The following BRD2 variants were observed in gnomAD, a reference collection of about 807,000 sequenced individuals.
The protein encoded by BRD2 is bromodomain-containing protein 2.
In BRD2, 15 loss-of-function variants were observed where a neutral mutation model predicts 79.1. That is an observed-to-expected ratio of 0.19 (90% CI 0.13 to 0.29). BRD2 has a LOEUF of 0.29. Ranked by LOEUF, BRD2 falls within the 10% of genes least tolerant of loss-of-function variation. BRD2 has a pLI of 1.00. For missense variants in BRD2, 1,053 were observed against 991.3 expected (o/e 1.06, Z -0.84); for synonymous variants, 488 against 358.6 (o/e 1.36, Z -4.08).
chr6:32,980,160 G>A, intron 11 of BRD2, 28 bp downstream of exon 11: 5 of 1,600,064 alleles, frequency 3.1e-6, no homozygotes, highest in Non-Finnish European at 4.3e-6. Flanking sequence ...TTCATCTCAT[G>A]GTTCTGAGGA....
chr6:32,969,650 C>G (rs1777770324), intron 1 of BRD2, among the ~76,000 whole-genome samples: 1 of 152,318 alleles, frequency 6.6e-6, no homozygotes, highest in East Asian at 1.9e-4. Flanking sequence ...CCTGTGGGGC[C>G]TTTTGCCCCT....
chr6:32,971,364 T>G (rs1429899686), intron 1 of BRD2, among the ~76,000 whole-genome samples: 1 of 152,104 alleles, frequency 6.6e-6, no homozygotes, highest in Admixed American at 6.5e-5. Context: ...GGGAGACGTA[T>G]TTTAGCTTTT....
rs368290193 is a variant in BRD2, at chr6:32,977,855, G to A, written c.1428G>A (p.Ser476=). 6.0e-5 allele frequency: 97 copies of A among 1,612,956 alleles called. 2 individuals are homozygous for A. The South Asian group carries it at 6.1e-4, about 10-fold the overall frequency. Residue 476 remains serine (S), a synonymous_variant, in exon 9 of 13, where the codon TCG becomes TCA. Transcript: ENST00000374825. ...STAMPPGLAK[S]SSESSSEESS... is the part of the protein sequence containing the mutation. ...CCATGCCCCCTGGCTTGGCCAAATCGTCTTCAGAGTCCTCCAGTGAGGAAA... is the reference window on the plus strand; with the variant it reads ...CCATGCCCCCTGGCTTGGCCAAATCATCTTCAGAGTCCTCCAGTGAGGAAA...
intron 7 of BRD2, 111 bp from the exon 8 acceptor site, chr6:32,977,331 G>A: frequency 6.2e-7 from 1 of 1,606,326 alleles, no homozygotes; most frequent in Non-Finnish European, 8.5e-7. Context: ...AGATCCTTAA[G>A]GTCATCCCCA....
chr6:32,969,285 G>A (rs1255821657), intron 1 of BRD2: 14 of 709,918 alleles, frequency 2.0e-5, no homozygotes, highest in Middle Eastern at 4.8e-4. Context: ...GGAGGGCAAA[G>A]GGGTTAGGGG....
chr6:32,975,393 A>G lies in BRD2; in HGVS notation c.343A>G (p.Lys115Glu), dbSNP rs1778605462. The G allele has an allele frequency of 1.9e-6, 3 of 1,605,862 alleles. No individual in the cohort carries two copies. Among genetic ancestry groups the G allele is most frequent in the Non-Finnish European group, 2.6e-6 (3 of 1,175,126 alleles). The change falls in exon 4 of 13, where the codon AAA becomes GAA. Residue 115 changes from lysine to glutamate, a missense_variant. Lys to Glu is a moderately conservative substitution (Grantham distance 56). Transcript: ENST00000374825. Reference protein sequence around the residue: ...AVKLGLPDYHKIIKQPMDMGT... With the variant: ...AVKLGLPDYHEIIKQPMDMGT... ...ACATTTTTTTATTTAGGATTATCAC[A>G]AAATTATAAAACAGCCTATGGACAT... is the stretch of plus-strand genomic sequence containing the variant.
Position 32,980,448 on chromosome 6 carries a change from A to G in BRD2, c.2253A>G (p.Lys751=), listed in dbSNP as rs140096077. The change falls in exon 12 of 13, where the codon AAA becomes AAG. Residue 751 remains lysine (K), a synonymous_variant. Transcript: ENST00000374825. The part of the protein sequence containing the change: ...QDVSGQLNST[K]KPPKKANEKT... ...TCAGCGGACAGCTCAATTCTACTAA[A>G]AAGCCCCCCAAGAAAGGTGAGTATA... 33 of 1,612,936 alleles carry G rather than the reference A, an allele frequency of 2.0e-5. 1 individual carries two copies. The highest frequency in any genetic ancestry group is 2.7e-5 in the African/African-American group (2 of 74,930).
In BRD2 at chr6:32,972,798, T is replaced by TCCC. The variant is rs962429747; in HGVS notation, c.-97_-95dup. On this transcript the variant is annotated 5_prime_UTR_variant, in exon 2 of 13. Transcript: ENST00000374825. The stretch of plus-strand genomic sequence containing the variant: ...GCCTGGAGGCCCAAGAGGAACGGCC[T>TCCC]CCCCCCAACTTAGCGGGTTATGCTG... 2 of 1,573,152 alleles carry TCCC rather than the reference T, an allele frequency of 1.3e-6. No individual in the cohort carries two copies. The highest frequency in any genetic ancestry group is 2.7e-5 in the African/African-American group (2 of 74,222).
At chr6:32,977,259 G>T (rs919640344) in intron 7 of BRD2, 183 bp from the exon 8 acceptor site, 1 of 1,545,678 alleles carries the variant, frequency 6.5e-7, no homozygotes, top group Non-Finnish European at 8.7e-7. Flanking sequence ...TCTTTTTCTA[G>T]ACATAAATAT....
chr6:32,975,275 G>GC, intron 3 of BRD2, 109 bp from the exon 4 acceptor site: 1 of 1,073,296 alleles, frequency 9.3e-7, no homozygotes, highest in East Asian at 2.6e-5. Context: ...TTCCTTTGAT[G>GC]CATAGGGGGG....
chr6:32,975,038 G>A, intron 3 of BRD2: 1 of 1,524,950 alleles, frequency 6.6e-7, no homozygotes, highest in Non-Finnish European at 8.8e-7. Flanking sequence ...CCTCGGGTTG[G>A]GAGAGGACCA....
intron 10 of BRD2, 96 bp from the exon 11 acceptor site, chr6:32,979,732 T>C (rs1425662175): frequency 7.1e-6 from 10 of 1,413,094 alleles, no homozygotes; most frequent in South Asian, 4.3e-5. Flanking sequence ...GAAGCTCCAC[T>C]CTGGGCAGGA....
intron 7 of BRD2, 64 bp downstream of exon 7, chr6:32,977,000 A>G: frequency 6.5e-7 from 1 of 1,530,396 alleles, no homozygotes; most frequent in South Asian, 1.3e-5. Context: ...GCAAAACAAT[A>G]AGTCTCCTTA....
At chr6:32,974,851 G>A (rs1314613042) in intron 3 of BRD2, 86 bp downstream of exon 3, 17 of 1,486,734 alleles carry the variant, frequency 1.1e-5, no homozygotes, top group Non-Finnish European at 1.4e-5. Context: ...TAGATGCTGC[G>A]GCCCCTAGGG....
intron 8 of BRD2, 69 bp downstream of exon 8, chr6:32,977,639 G>A: frequency 6.2e-7 from 1 of 1,603,330 alleles, no homozygotes; most frequent in Non-Finnish European, 8.5e-7. Context: ...GTGCTGCATA[G>A]CCTCAACGTG....
At chr6:32,978,059 C>G (rs529291498) in intron 9 of BRD2, 54 bp downstream of exon 9, 2 of 1,591,064 alleles carry the variant, frequency 1.3e-6, no homozygotes, top group Non-Finnish European at 1.7e-6. Context: ...TGCCCTTTGT[C>G]CTCATTTTTT....
rs1056118092 is a variant in BRD2, at chr6:32,972,230, A to G, written c.-669A>G. The stretch of plus-strand genomic sequence containing the variant: ...CGTGCTGGAGTGGAGCAGCCTCTAG[A>G]ACGAGCTGGAGGATTCTGCCTACCG... On this transcript the variant is annotated 5_prime_UTR_variant, in exon 2 of 13. Transcript: ENST00000374825. 7 of 497,356 alleles carry G rather than the reference A, an allele frequency of 1.4e-5. No individual in the cohort carries two copies. The highest frequency in any genetic ancestry group is 3.9e-5 in the African/African-American group (2 of 51,362). The allele number at this position is 497,356 out of a possible 1,614,324, so 30.8% of individuals were successfully genotyped here. A position where few individuals can be genotyped will look rare whatever the true frequency, so the allele number is the denominator to read the frequency against.
chr6:32,979,563 G>T, intron 10 of BRD2: 1 of 455,772 alleles, frequency 2.2e-6, no homozygotes, highest in Non-Finnish European at 3.9e-6. Context: ...CAACATGTTT[G>T]TGTGTCACAT....
In BRD2 at chr6:32,972,277, C is replaced by G. The variant is rs762864808; in HGVS notation, c.-622C>G. On this transcript the variant is annotated 5_prime_UTR_variant, in exon 2 of 13. Coordinates refer to ENST00000374825, the MANE Select transcript of BRD2 (RefSeq NM_005104.4). The stretch of plus-strand genomic sequence containing the variant: ...ACCGATACAGAGCCTTCGAGTCGTC[C>G]GGGGCCGCCATTACAATCCACCTCC... The G allele has an allele frequency of 4.7e-6, 2 of 425,234 alleles. No homozygotes were observed. Among genetic ancestry groups the G allele is most frequent in the Non-Finnish European group, 8.8e-6 (2 of 226,150 alleles). The allele number at this position is 425,234 out of a possible 1,614,324, so 26.3% of individuals were successfully genotyped here.
Sources: gnomAD v4.1 joint callset for allele counts (sites outside exome capture counted in the v4.1 genomes callset) on GRCh38, gnomAD v4.1.1 for gene constraint, MANE v1.5 for transcripts, NCBI Gene and HGNC (gene_info 2026-07-23, HGNC 2026-07-21) for gene names.